The following PPARGC1A variants were observed in gnomAD, a reference collection of about 807,000 sequenced individuals.
PPARGC1A encodes PPARG coactivator 1 alpha, also known as peroxisome proliferator-activated receptor gamma coactivator 1-alpha.
Under a neutral mutation model 88.7 loss-of-function variants are expected in PPARGC1A, and 25 were observed. The observed-to-expected ratio is 0.28, with a 90% CI of 0.21 to 0.39. The LOEUF (loss-of-function observed/expected upper bound fraction) is 0.39. Among genes scored for constraint, PPARGC1A ranks in the 10% least tolerant of loss-of-function variants. PPARGC1A has a pLI of 1.00. For missense variants in PPARGC1A, 880 were observed against 968.7 expected (o/e 0.91, Z 1.22); for synonymous variants, 363 against 355.6 (o/e 1.02, Z -0.24).
At chr4:24,458,833 C>T in the PPARGC1A span, among the ~76,000 whole-genome samples, 1 of 152,074 alleles carries the variant, frequency 6.6e-6, no homozygotes, top group East Asian at 1.9e-4. Context: ...TATTATATGG[C>T]AGGTCAGTTA....
chr4:24,100,008 A>T, the PPARGC1A span, among the ~76,000 whole-genome samples: 2 of 151,056 alleles, frequency 1.3e-5, no homozygotes, highest in Admixed American at 6.6e-5. Flanking sequence ...GCACTAGGAG[A>T]TATACCTAAT....
At chr4:24,223,860 T>G in the PPARGC1A span, among the ~76,000 whole-genome samples, 2 of 152,356 alleles carry the variant, frequency 1.3e-5, no homozygotes, top group African/African-American at 4.8e-5. Flanking sequence ...AATGTTTTCC[T>G]TCCTTCACTT....
the PPARGC1A span, among the ~76,000 whole-genome samples, chr4:24,385,512 GA>G: frequency 1.3e-5 from 2 of 152,092 alleles, no homozygotes; most frequent in South Asian, 2.1e-4. Flanking sequence ...TAATAAAGAA[GA>G]AAAGAGAGAA....
the PPARGC1A span, among the ~76,000 whole-genome samples, chr4:23,937,300 T>C: frequency 0.025 from 3,762 of 152,196 alleles, 163 homozygotes; most frequent in African/African-American, 0.085. Context: ...AGCTGATTAA[T>C]CTTCAAAATA....
chr4:23,879,028 C>G (rs1715374310), intron 2 of PPARGC1A, among the ~76,000 whole-genome samples: 1 of 151,000 alleles, frequency 6.6e-6, no homozygotes, highest in Non-Finnish European at 1.5e-5. Context: ...TGGCTGTGGG[C>G]CGTAAATTTA....
chr4:24,191,407 G>A, the PPARGC1A span, among the ~76,000 whole-genome samples: 1 of 152,186 alleles, frequency 6.6e-6, no homozygotes, highest in Non-Finnish European at 1.5e-5. Flanking sequence ...CTAGTAAATG[G>A]CAGAGTTTGG....
chr4:24,135,567 T>C, the PPARGC1A span, among the ~76,000 whole-genome samples: 4 of 152,168 alleles, frequency 2.6e-5, no homozygotes, highest in East Asian at 7.7e-4. Context: ...TACCCAGTTC[T>C]AAAGGGTAAC....
At chr4:23,921,884 T>C in the PPARGC1A span, among the ~76,000 whole-genome samples, 9 of 152,212 alleles carry the variant, frequency 5.9e-5, no homozygotes, top group Non-Finnish European at 1.2e-4. Flanking sequence ...AATTATGGTG[T>C]GGTACTACAA....
the PPARGC1A span, among the ~76,000 whole-genome samples, chr4:24,280,885 AC>A: frequency 1.3e-5 from 2 of 152,156 alleles, no homozygotes; most frequent in Admixed American, 1.3e-4. Flanking sequence ...AAAGTTAATC[AC>A]TCAAGATATT....
At chr4:24,372,560 C>T in the PPARGC1A span, among the ~76,000 whole-genome samples, 22 of 152,154 alleles carry the variant, frequency 1.4e-4, no homozygotes, top group South Asian at 4.1e-4. Context: ...TATCAGTAAA[C>T]GCTTTTGCCT....
the PPARGC1A span, among the ~76,000 whole-genome samples, chr4:23,991,271 A>T: frequency 6.6e-6 from 1 of 152,084 alleles, no homozygotes; most frequent in Non-Finnish European, 1.5e-5. Flanking sequence ...AGTTCTATGA[A>T]ATGAGGAATA....
chr4:23,869,129 T>C (rs996906811), intron 2 of PPARGC1A, among the ~76,000 whole-genome samples: 5 of 152,140 alleles, frequency 3.3e-5, no homozygotes, highest in African/African-American at 1.2e-4. Context: ...TCAGGGACCA[T>C]CCAGTGGTTC....
chr4:24,048,210 G>A, the PPARGC1A span, among the ~76,000 whole-genome samples: 73 of 152,204 alleles, frequency 4.8e-4, no homozygotes, highest in Middle Eastern at 3.4e-3. Flanking sequence ...CCCTTGCTGT[G>A]CAGTCTTTCC....
the PPARGC1A span, among the ~76,000 whole-genome samples, chr4:24,068,058 C>T: frequency 6.6e-6 from 1 of 152,070 alleles, no homozygotes; most frequent in Non-Finnish European, 1.5e-5. Flanking sequence ...ACAGATAGGT[C>T]CTCGGTCTTC....
the PPARGC1A span, among the ~76,000 whole-genome samples, chr4:24,190,901 A>G: frequency 2.0e-5 from 3 of 152,012 alleles, no homozygotes; most frequent in African/African-American, 7.2e-5. Context: ...TTTGTCCTTC[A>G]TTGGAAAGAG....
upstream of PPARGC1A, chr4:23,903,929 A>G (rs1719733204): frequency 1.4e-6 from 1 of 693,542 alleles, no homozygotes; most frequent in African/African-American, 2.0e-5. Flanking sequence ...CAGAAATAAA[A>G]CAAAACCCAC....
chr4:23,916,511 A>C, the PPARGC1A span, among the ~76,000 whole-genome samples: 2 of 152,188 alleles, frequency 1.3e-5, no homozygotes, highest in Non-Finnish European at 2.9e-5. Context: ...TGTTTATGAA[A>C]ACATAATTTT....
chr4:23,799,289 A>G (rs1718209909), intron 12 of PPARGC1A, among the ~76,000 whole-genome samples: 1 of 152,196 alleles, frequency 6.6e-6, no homozygotes, highest in Admixed American at 6.5e-5. Flanking sequence ...ACGACTTTAC[A>G]CTTCTAACTT....
At chr4:24,053,117 C>T in the PPARGC1A span, among the ~76,000 whole-genome samples, 30 of 151,652 alleles carry the variant, frequency 2.0e-4, no homozygotes, top group Middle Eastern at 3.4e-3. Context: ...ATGATCCGCC[C>T]GCCTCGGCCT....
Sources: allele counts gnomAD v4.1 joint callset (sites outside exome capture counted in the v4.1 genomes callset), GRCh38; gene constraint gnomAD v4.1.1; transcripts MANE v1.5; gene names NCBI Gene and HGNC (gene_info 2026-07-23, HGNC 2026-07-21).